CCR9: variants seen among roughly 807,000 people sequenced by gnomAD.
The protein encoded by CCR9 is C-C chemokine receptor type 9.
A neutral mutation model predicts 8.7 loss-of-function variants in CCR9; 4 were observed. The ratio of observed to expected loss-of-function variants is 0.46; its 90% confidence interval spans 0.23 to 1.06. The LOEUF (loss-of-function observed/expected upper bound fraction) is 1.06, where lower values mean the gene tolerates loss of function less well. Ranked by LOEUF, CCR9 falls within the 50% of genes least tolerant of loss-of-function variation. The pLI, the probability that CCR9 is intolerant of heterozygous loss-of-function variation, is 0.21. For synonymous variants in CCR9, 159 were observed against 168.8 expected (o/e 0.94, Z 0.45); for missense variants, 394 against 453.6 (o/e 0.87, Z 1.19).
At chr3:45,897,422 G>T (rs1263663321) in intron 2 of CCR9, 1 of 668,046 alleles carries the variant, frequency 1.5e-6, no homozygotes, top group Non-Finnish European at 2.7e-6. Context: ...TGCCCCCTGG[G>T]CTTCCAGCAG....
At chr3:45,890,000 T>C (rs2125739957) in intron 1 of CCR9, among the ~76,000 whole-genome samples, 1 of 151,364 alleles carries the variant, frequency 6.6e-6, no homozygotes, top group East Asian at 2.0e-4. Flanking sequence ...TTGACAGATA[T>C]GGCTTAACCC....
In CCR9 at chr3:45,901,312, T is replaced by C. The variant is rs201163971; in HGVS notation, c.524T>C (p.Leu175Ser). 3.7e-5 allele frequency: 60 copies of C among 1,614,072 alleles called. 1 individual carries two copies. Among genetic ancestry groups the C allele is most frequent in the Admixed American group, 2.0e-4 (12 of 60,006 alleles). The change falls in exon 3 of 3, where the codon TTG (leucine) becomes TCG (serine). Residue 175 changes from leucine to serine, a missense_variant. Coordinates refer to ENST00000357632, the MANE Select transcript of CCR9 (RefSeq NM_031200.3). This position sits in a 1 kb window ranked among gnomAD's most constrained non-coding sequence, Gnocchi z 4.3. ...ATGGTTTGCTTTACCATCTGGGTAT[T>C]GGCAGCTGCTCTCTGCATCCCAGAA... ...SKMVCFTIWV[L>S]AAALCIPEIL...
At position 45,887,465 on chromosome 3, in the gene CCR9, A is replaced by G. The variant is rs1195260605; in HGVS notation, c.-29+810A>G. 2.0e-5 allele frequency among the ~76,000 whole-genome samples: 3 copies of G among 152,208 alleles called. No homozygotes were observed. The East Asian group carries it at 5.8e-4, about 29-fold the overall frequency. On this transcript the variant is annotated intron_variant, in intron 1 of 2. Transcript: ENST00000357632. ...AGCAAAAAGTTATTTTAAATGACTC[A>G]TCAGTGGATGCTGGTTTGCCTTTTC...
Position 45,892,669 on chromosome 3 carries a change from G to T in CCR9, c.-28-2237G>T, listed in dbSNP as rs142295091. Among the ~76,000 whole-genome samples, 422 of 152,078 alleles carry T rather than the reference G, an allele frequency of 2.8e-3. 2 individuals are homozygous for T. The highest frequency in any genetic ancestry group is 9.2e-3 in the African/African-American group (383 of 41,468). On this transcript the variant is annotated intron_variant, in intron 1 of 2. Transcript: ENST00000357632. The stretch of plus-strand genomic sequence containing the variant: ...TCTATACACCAAGCCCCCATGACGC[G>T]CAATTTACCTATATGACAAACCTGC...
At chr3:45,897,453 G>A in intron 2 of CCR9, 1 of 733,724 alleles carries the variant, frequency 1.4e-6, no homozygotes, top group Non-Finnish European at 2.4e-6. Context: ...CCTTGTCTGG[G>A]ATTCAGTCTT....
intron 2 of CCR9, among the ~76,000 whole-genome samples, chr3:45,896,184 C>T (rs948558679): frequency 4.6e-5 from 7 of 152,234 alleles, no homozygotes; most frequent in Non-Finnish European, 1.0e-4. Context: ...ACCTTTCAAT[C>T]CCTGAGGCTG....
At chr3:45,894,576 A>G (rs780150505) in intron 1 of CCR9, among the ~76,000 whole-genome samples, 96 of 152,228 alleles carry the variant, frequency 6.3e-4, no homozygotes, top group Admixed American at 1.8e-3. Flanking sequence ...ATGAGCTGGG[A>G]AAAATGTAAC....
At chr3:45,886,495 G>C (rs1701984458), upstream of CCR9, 1 of 152,234 alleles carries the variant, frequency 6.6e-6, no homozygotes, top group Non-Finnish European at 1.5e-5. Context: ...CACAGGCAGG[G>C]GTGGCCTGGC....
At chr3:45,893,435 G>A (rs6775854) in intron 1 of CCR9, among the ~76,000 whole-genome samples, 17,991 of 152,046 alleles carry the variant, frequency 0.12, 3,162 homozygotes, top group African/African-American at 0.38. Context: ...GATTATAGGC[G>A]TAAGCCACCA....
rs545003192 is a variant in CCR9, at chr3:45,892,568, G to T, written c.-28-2338G>T. On this transcript the variant is annotated intron_variant, in intron 1 of 2. Transcript: ENST00000357632. ...ACACTGGGACCCCCTTGAGGATGGA[G>T]GGAGGTAGGAGGGTGAGGATAAAAA... 2.6e-5 allele frequency among the ~76,000 whole-genome samples: 4 copies of T among 152,240 alleles called. No homozygotes were observed. In the East Asian group the frequency reaches 7.7e-4, roughly 29 times the overall value.
At chr3:45,897,010 G>A (rs1453065783) in intron 2 of CCR9, among the ~76,000 whole-genome samples, 2 of 152,186 alleles carry the variant, frequency 1.3e-5, no homozygotes, top group South Asian at 2.1e-4. Flanking sequence ...CAACTGGGAC[G>A]CCTGGGCTGC....
chr3:45,898,571 T>C (rs924093829), intron 2 of CCR9, among the ~76,000 whole-genome samples: 3 of 152,196 alleles, frequency 2.0e-5, no homozygotes, highest in Non-Finnish European at 4.4e-5. Flanking sequence ...CTCTTTGCAA[T>C]AGGATTTTCT....
intron 1 of CCR9, among the ~76,000 whole-genome samples, chr3:45,887,732 G>T (rs1199448152): frequency 6.6e-6 from 1 of 152,188 alleles, no homozygotes; most frequent in Admixed American, 6.5e-5. Flanking sequence ...TCTTTGTGTA[G>T]GCCTCACTCA....
At chr3:45,897,542 TC>T in intron 2 of CCR9, 1 of 1,513,418 alleles carries the variant, frequency 6.6e-7, no homozygotes, top group Non-Finnish European at 8.9e-7. Context: ...GCACAATTTC[TC>T]CCATTCTGCT....
rs1702590690 is a variant in CCR9 at position 45,902,490 on chromosome 3, G to A, written c.*592G>A. On this transcript the variant is annotated 3_prime_UTR_variant, in exon 3 of 3. Transcript: ENST00000357632. ...CTGGGCCAGTGAAGGTCCTTGTTCT[G>A]ATTTTGAAACGATCTGCAGGTCTTG... The A allele has an allele frequency of 6.0e-6, 1 of 167,156 alleles. No homozygotes were observed. The highest frequency in any genetic ancestry group is 2.4e-5 in the African/African-American group (1 of 41,422). The allele number at this position is 167,156 out of a possible 1,614,324, so 10.4% of individuals were successfully genotyped here. A position where few individuals can be genotyped will look rare whatever the true frequency, so the allele number is the denominator to read the frequency against.
At position 45,901,736 on chromosome 3, in the gene CCR9, C is replaced by CT; in HGVS notation, c.949dup (p.Tyr317LeufsTer6). ...TCCACAGTTGCCTGAACCCTGTTCTCTATGTTTTTGTGGGTGAGAGATTCC... is the reference window on the plus strand; with the variant it reads ...TCCACAGTTGCCTGAACCCTGTTCTCTTATGTTTTTGTGGGTGAGAGATTCC... On this transcript the variant is annotated frameshift_variant, in exon 3 of 3. Transcript: ENST00000357632. LOFTEE classifies it high-confidence loss of function. This position sits in a 1 kb window ranked among gnomAD's most constrained non-coding sequence, Gnocchi z 4.3. 6.2e-6 allele frequency: 10 copies of CT among 1,614,170 alleles called. No homozygotes were observed. The highest frequency in any genetic ancestry group is 8.5e-6 in the Non-Finnish European group (10 of 1,180,030).
chr3:45,889,714 A>G (rs900499969), intron 1 of CCR9, among the ~76,000 whole-genome samples: 1 of 151,658 alleles, frequency 6.6e-6, no homozygotes, highest in Non-Finnish European at 1.5e-5. Context: ...ATCACACAAC[A>G]TAAGTCTTCC....
At chr3:45,889,044 A>G (rs1237496996) in intron 1 of CCR9, among the ~76,000 whole-genome samples, 2 of 152,244 alleles carry the variant, frequency 1.3e-5, no homozygotes, top group African/African-American at 2.4e-5. Context: ...GCAGTGCAGC[A>G]GTGCAATGTT....
At chr3:45,889,476 T>C (rs1177533209) in intron 1 of CCR9, among the ~76,000 whole-genome samples, 1 of 152,152 alleles carries the variant, frequency 6.6e-6, no homozygotes, top group Non-Finnish European at 1.5e-5. Context: ...CGTTAGAGCA[T>C]TGGGCTTCTT....
Sources: allele counts gnomAD v4.1 joint callset (sites outside exome capture counted in the v4.1 genomes callset), GRCh38; gene constraint gnomAD v4.1.1; non-coding constraint Gnocchi (gnomAD v3.1); transcripts MANE v1.5; gene names NCBI Gene and HGNC (gene_info 2026-07-23, HGNC 2026-07-21).